TSPAN5: variants seen among roughly 807,000 people sequenced by gnomAD.
TSPAN5 encodes tetraspanin-5.
In TSPAN5, 10 loss-of-function variants were observed where a neutral mutation model predicts 37.1. The ratio of observed to expected loss-of-function variants is 0.27; its 90% confidence interval spans 0.17 to 0.46. The LOEUF (loss-of-function observed/expected upper bound fraction) is 0.46. Ranked by LOEUF, TSPAN5 falls within the 20% of genes least tolerant of loss-of-function variation. TSPAN5 has a pLI of 1.00. For synonymous variants in TSPAN5, 110 were observed against 118.9 expected, an observed-to-expected ratio of 0.93 and a Z score of 0.48; for missense variants, 195 against 326.6, an observed-to-expected ratio of 0.60 and a Z score of 3.11.
intron 1 of TSPAN5, among the ~76,000 whole-genome samples, chr4:98,575,178 C>T (rs1262535499): frequency 6.6e-6 from 1 of 152,016 alleles, no homozygotes; most frequent in Admixed American, 6.6e-5. Context: ...TCAACATGAA[C>T]AAAATGGATC....
intron 1 of TSPAN5, among the ~76,000 whole-genome samples, chr4:98,553,962 G>A (rs1324698728): frequency 6.6e-6 from 1 of 152,098 alleles, no homozygotes; most frequent in Non-Finnish European, 1.5e-5. Flanking sequence ...AGCTACTCAG[G>A]AGGCTGAGGC....
intron 1 of TSPAN5, among the ~76,000 whole-genome samples, chr4:98,621,486 G>A (rs957557989): frequency 2.7e-5 from 4 of 149,786 alleles, no homozygotes; most frequent in Admixed American, 6.7e-5. Flanking sequence ...TCCTGCCTCA[G>A]CCTCCCGAGT....
chr4:98,646,203 G>A (rs77183023), intron 1 of TSPAN5, among the ~76,000 whole-genome samples: 4,952 of 152,228 alleles, frequency 0.033, 116 homozygotes, highest in South Asian at 0.095. Context: ...AATGATCCAG[G>A]TAGTTCAATC....
intron 1 of TSPAN5, among the ~76,000 whole-genome samples, chr4:98,528,805 G>A (rs971377849): frequency 1.3e-5 from 2 of 152,200 alleles, no homozygotes; most frequent in African/African-American, 4.8e-5. Flanking sequence ...TCTGCAAGGT[G>A]TATGTACAAG....
In TSPAN5 at chr4:98,559,940, C is replaced by T. The variant is rs78039609; in HGVS notation, c.82-52212G>A. ...TTCCCCCTCCAGAGATGTCACTTCC[C>T]TGAAGAATTTCCACCAACATATAAC... is the stretch of plus-strand genomic sequence containing the variant. On this transcript the variant is annotated intron_variant, in intron 1 of 7. Coordinates refer to ENST00000305798, the MANE Select transcript of TSPAN5 (RefSeq NM_005723.4). Among the ~76,000 whole-genome samples the T allele has an allele frequency of 2.6e-4, 40 of 152,304 alleles. No individual in the cohort carries two copies. The East Asian group carries it at 7.3e-3, about 28-fold the overall frequency.
intron 1 of TSPAN5, among the ~76,000 whole-genome samples, chr4:98,584,634 C>A (rs1352389576): frequency 2.6e-5 from 4 of 152,198 alleles, no homozygotes; most frequent in African/African-American, 9.6e-5. Context: ...TTTGAAAAAT[C>A]ATTTCCTTGC....
intron 1 of TSPAN5, among the ~76,000 whole-genome samples, chr4:98,546,291 T>G (rs528724923): frequency 5.9e-5 from 9 of 152,266 alleles, no homozygotes; most frequent in African/African-American, 1.9e-4. Flanking sequence ...ATACATAAAG[T>G]TGGTTCTGCT....
intron 1 of TSPAN5, among the ~76,000 whole-genome samples, chr4:98,564,697 T>C (rs895749960): frequency 3.9e-4 from 59 of 152,174 alleles, no homozygotes; most frequent in African/African-American, 1.4e-3. Flanking sequence ...TCTAAATTTT[T>C]TTTTTTTTTT....
chr4:98,495,551 A>G (rs1753188111), intron 2 of TSPAN5, among the ~76,000 whole-genome samples: 1 of 146,322 alleles, frequency 6.8e-6, no homozygotes, highest in Non-Finnish European at 1.5e-5. Context: ...AAAAAAAAAA[A>G]GGACAAACCA....
chr4:98,561,516 G>T (rs1255961607), intron 1 of TSPAN5, among the ~76,000 whole-genome samples: 2 of 152,198 alleles, frequency 1.3e-5, no homozygotes, highest in African/African-American at 4.8e-5. Context: ...AAGCAAGTAG[G>T]TCAATAAGTA....
intron 1 of TSPAN5, chr4:98,509,657 A>C (rs1332436385): frequency 6.6e-6 from 1 of 152,212 alleles, no homozygotes; most frequent in East Asian, 1.9e-4. Context: ...ATCCCAACTG[A>C]AAAACCGTGC....
chr4:98,473,649 C>T (rs937884074), intron 7 of TSPAN5, among the ~76,000 whole-genome samples: 13 of 151,994 alleles, frequency 8.6e-5, no homozygotes, highest in African/African-American at 2.2e-4. Flanking sequence ...TTAGTAGAGA[C>T]GGGGTTTCAC....
intron 4 of TSPAN5, 77 bp from the exon 5 acceptor site, chr4:98,478,887 C>T: frequency 7.1e-6 from 11 of 1,558,674 alleles, no homozygotes; most frequent in Non-Finnish European, 9.6e-6. Context: ...CGCCGAACGA[C>T]ACCAGCTTCT....
intron 1 of TSPAN5, among the ~76,000 whole-genome samples, chr4:98,631,412 CGGGT>C (rs1553918448): frequency 6.6e-6 from 1 of 152,154 alleles, no homozygotes; most frequent in Non-Finnish European, 1.5e-5. Flanking sequence ...TCCCTGACTC[CGGGT>C]GGGTGCACCT....
At chr4:98,575,659 C>G (rs1269421978) in intron 1 of TSPAN5, among the ~76,000 whole-genome samples, 2 of 151,894 alleles carry the variant, frequency 1.3e-5, no homozygotes, top group Non-Finnish European at 2.9e-5. Flanking sequence ...TTATAATATT[C>G]AACACCTCCC....
chr4:98,519,586 G>A (rs1226157134), intron 1 of TSPAN5, among the ~76,000 whole-genome samples: 2 of 152,220 alleles, frequency 1.3e-5, no homozygotes, highest in African/African-American at 2.4e-5. Flanking sequence ...AAAGAGTGCA[G>A]TCTAAGAAAA....
rs77339199 is a variant in TSPAN5 at position 98,642,920 on chromosome 4, A to G, written c.81+15226T>C. 1.7e-3 allele frequency among the ~76,000 whole-genome samples: 253 copies of G among 152,366 alleles called. 1 individual carries two copies. The highest frequency in any genetic ancestry group is 5.9e-3 in the African/African-American group (245 of 41,598). On this transcript the variant is annotated intron_variant, in intron 1 of 7. Coordinates refer to ENST00000305798, the MANE Select transcript of TSPAN5 (RefSeq NM_005723.4). ...ACAAAAGAGTAAAAAAGCTAAAAAA[A>G]GGTTAATAAAATAAAATGTGACAGT...
At chr4:98,504,784 CAT>C (rs1753436882) in intron 2 of TSPAN5, among the ~76,000 whole-genome samples, 1 of 152,192 alleles carries the variant, frequency 6.6e-6, no homozygotes, top group African/African-American at 2.4e-5. Context: ...GTATTCCACA[CAT>C]GTCAAATACT....
At chr4:98,550,216 T>G (rs924354160) in intron 1 of TSPAN5, among the ~76,000 whole-genome samples, 1 of 152,184 alleles carries the variant, frequency 6.6e-6, no homozygotes, top group Non-Finnish European at 1.5e-5. Flanking sequence ...TATTTTTGGC[T>G]TCTCTATTCT....
Sources: gnomAD v4.1 joint callset for allele counts (sites outside exome capture counted in the v4.1 genomes callset) on GRCh38, gnomAD v4.1.1 for gene constraint, MANE v1.5 for transcripts, NCBI Gene and HGNC (gene_info 2026-07-23, HGNC 2026-07-21) for gene names.